The following DPP10 variants were observed in gnomAD, a reference collection of about 807,000 sequenced individuals.
DPP10 encodes inactive dipeptidyl peptidase 10.
Under a neutral mutation model 120.9 loss-of-function variants are expected in DPP10, and 33 were observed. That is an observed-to-expected ratio of 0.27 (90% CI 0.21 to 0.37). The LOEUF is 0.37. Among genes scored for constraint, DPP10 ranks in the 10% least tolerant of loss-of-function variants. The probability of loss-of-function intolerance (pLI) is 1.00; values close to 1 mark genes in which losing one functional copy is unlikely to be tolerated. For synonymous variants in DPP10, 337 were observed against 326.1 expected (o/e 1.03, Z -0.36); for missense variants, 816 against 942.8 (o/e 0.87, Z 1.76).
intron 1 of DPP10, among the ~76,000 whole-genome samples, chr2:114,830,820 C>A (rs1687034988): frequency 1.3e-5 from 2 of 151,808 alleles, no homozygotes; most frequent in South Asian, 4.2e-4. Context: ...ACTGGAGAGG[C>A]AATTGATTTG....
chr2:115,538,687 C>T (rs2079010800), intron 5 of DPP10, among the ~76,000 whole-genome samples: 1 of 151,892 alleles, frequency 6.6e-6, no homozygotes, highest in African/African-American at 2.4e-5. Flanking sequence ...GGCCACAGCT[C>T]AGTATAAATT....
At chr2:115,714,247 C>A (rs2092417991) in intron 7 of DPP10, among the ~76,000 whole-genome samples, 1 of 152,136 alleles carries the variant, frequency 6.6e-6, no homozygotes, top group South Asian at 2.1e-4. Flanking sequence ...TATCCTTTTA[C>A]CTTAATTGTT....
At chr2:115,119,174 G>A (rs776029086) in intron 1 of DPP10, among the ~76,000 whole-genome samples, 1 of 152,128 alleles carries the variant, frequency 6.6e-6, no homozygotes, top group Non-Finnish European at 1.5e-5. Flanking sequence ...TGGTCAGTGT[G>A]TTTACTGAAG....
chr2:114,506,997 G>A (rs917809007), intron 1 of DPP10, among the ~76,000 whole-genome samples: 3 of 151,568 alleles, frequency 2.0e-5, no homozygotes, highest in African/African-American at 7.3e-5. Flanking sequence ...TGGTTTCTGA[G>A]TTGGGCTCCA....
At chr2:115,286,526 A>ATT (rs10675008) in intron 1 of DPP10, among the ~76,000 whole-genome samples, 1 of 60,946 alleles carries the variant, frequency 1.6e-5, no homozygotes, top group Non-Finnish European at 3.3e-5. Flanking sequence ...ATATATATAT[A>ATT]ATATATATAT....
intron 1 of DPP10, among the ~76,000 whole-genome samples, chr2:114,757,038 G>A (rs1679817675): frequency 6.6e-6 from 1 of 151,276 alleles, no homozygotes; most frequent in Non-Finnish European, 1.5e-5. Flanking sequence ...ATATAGGAAG[G>A]AAGGAAGGAA....
chr2:114,554,994 A>T (rs1385951810), intron 1 of DPP10, among the ~76,000 whole-genome samples: 1 of 152,220 alleles, frequency 6.6e-6, no homozygotes, highest in Admixed American at 6.5e-5. Context: ...GTGAGCAAAC[A>T]TAATGGACCT....
At chr2:114,526,679 CT>C (rs1685526900) in intron 1 of DPP10, among the ~76,000 whole-genome samples, 1 of 152,050 alleles carries the variant, frequency 6.6e-6, no homozygotes, top group Non-Finnish European at 1.5e-5. Flanking sequence ...AGAAGTCTGT[CT>C]TCTTACTGTG....
chr2:115,824,046 A>G (rs1394039100), intron 21 of DPP10, among the ~76,000 whole-genome samples: 3 of 152,096 alleles, frequency 2.0e-5, no homozygotes, highest in African/African-American at 4.8e-5. Flanking sequence ...ATGATGATAT[A>G]TATCTATATC....
At chr2:114,508,680 T>C (rs887731724) in intron 1 of DPP10, among the ~76,000 whole-genome samples, 3 of 152,008 alleles carry the variant, frequency 2.0e-5, no homozygotes, top group Non-Finnish European at 4.4e-5. Flanking sequence ...TTGCCTCTAG[T>C]GATGATAATG....
intron 1 of DPP10, among the ~76,000 whole-genome samples, chr2:114,604,152 C>T (rs138131203): frequency 1.1e-4 from 17 of 152,098 alleles, no homozygotes; most frequent in African/African-American, 3.6e-4. Flanking sequence ...ACCTAGGCAA[C>T]TTCTCCATGT....
At position 115,483,429 on chromosome 2, in the gene DPP10, A is replaced by ATCTG. The variant is rs796641843; in HGVS notation, c.272-16073_272-16070dup. Among the ~76,000 whole-genome samples, 337 of 149,304 alleles carry ATCTG rather than the reference A, an allele frequency of 2.3e-3. 6 individuals are homozygous for ATCTG. The East Asian group carries it at 0.053, about 23-fold the overall frequency. On this transcript the variant is annotated intron_variant, in intron 3 of 25. Coordinates refer to ENST00000410059, the MANE Select transcript of DPP10 (RefSeq NM_020868.6). The stretch of plus-strand genomic sequence containing the variant: ...CGTTCTTTCACTGCCTGATATGTCT[A>ATCTG]TCTGTCTGTCTATCTATCTATCTAT...
intron 11 of DPP10, among the ~76,000 whole-genome samples, chr2:115,755,199 A>G (rs1303304994): frequency 1.3e-5 from 2 of 152,106 alleles, no homozygotes; most frequent in African/African-American, 4.8e-5. Flanking sequence ...ATACAATAAC[A>G]AAGTTATTAG....
At chr2:115,431,143 G>A (rs1391056072) in intron 3 of DPP10, among the ~76,000 whole-genome samples, 1 of 152,192 alleles carries the variant, frequency 6.6e-6, no homozygotes, top group Non-Finnish European at 1.5e-5. Context: ...GCTCGCGAAA[G>A]CGAAGGGATC....
At chr2:115,534,518 C>T (rs1435783882) in intron 5 of DPP10, among the ~76,000 whole-genome samples, 1 of 151,832 alleles carries the variant, frequency 6.6e-6, no homozygotes, top group Admixed American at 6.6e-5. Flanking sequence ...CATTGTTGGA[C>T]ATTTGGGTTG....
rs958554076 is a variant in DPP10, at chr2:115,815,123, A to G, written c.1895+136A>G. ...ATTTTGTAAGTTAATCATAAAGCCTATTTCATTTTTTTTTTGAAGTACCTG... is the reference window on the plus strand; with the variant it reads ...ATTTTGTAAGTTAATCATAAAGCCTGTTTCATTTTTTTTTTGAAGTACCTG... On this transcript the variant is annotated intron_variant, in intron 20 of 25. Coordinates refer to ENST00000410059, the MANE Select transcript of DPP10 (RefSeq NM_020868.6). 4 of 857,468 alleles carry G rather than the reference A, an allele frequency of 4.7e-6. No homozygotes were observed. In the African/African-American group the frequency reaches 5.3e-5, roughly 11 times the overall value. The allele number at this position is 857,468 out of a possible 1,614,324, so 53.1% of individuals were successfully genotyped here.
intron 1 of DPP10, among the ~76,000 whole-genome samples, chr2:115,271,656 A>G (rs1403361218): frequency 6.6e-6 from 1 of 152,208 alleles, no homozygotes; most frequent in Non-Finnish European, 1.5e-5. Context: ...AAGGTAAAAT[A>G]TATCTTGGAA....
intron 4 of DPP10, among the ~76,000 whole-genome samples, chr2:115,502,584 C>T (rs1480509372): frequency 2.0e-5 from 3 of 152,114 alleles, no homozygotes; most frequent in East Asian, 1.9e-4. Flanking sequence ...CTGAAAATAC[C>T]GGCAGCTATA....
chr2:114,536,408 C>CTTTTTTTT (rs70937287), intron 1 of DPP10, among the ~76,000 whole-genome samples: 35 of 128,720 alleles, frequency 2.7e-4, no homozygotes, highest in Non-Finnish European at 3.8e-4. Context: ...TTTTCTTTTT[C>CTTTTTTTT]TTTTTTTTTT....
Sources: gnomAD v4.1 joint callset for allele counts (sites outside exome capture counted in the v4.1 genomes callset) on GRCh38, gnomAD v4.1.1 for gene constraint, MANE v1.5 for transcripts, NCBI Gene and HGNC (gene_info 2026-07-23, HGNC 2026-07-21) for gene names.